The following RXFP2 variants were observed in gnomAD, a reference collection of about 807,000 sequenced individuals.
RXFP2 encodes relaxin family peptide receptor 2, also known as relaxin receptor 2.
RXFP2 carries 68 observed loss-of-function variants against 88.6 expected under a neutral mutation model. That is an observed-to-expected ratio of 0.77 (90% CI 0.63 to 0.94). The LOEUF is 0.94. Ranked by LOEUF, RXFP2 falls within the 40% of genes least tolerant of loss-of-function variation. The pLI is 0.00. For missense variants in RXFP2, 791 were observed against 893.9 expected (o/e 0.88, Z 1.47); for synonymous variants, 329 against 306.8 (o/e 1.07, Z -0.76).
intron 1 of RXFP2, among the ~76,000 whole-genome samples, chr13:31,745,212 C>A (rs962156594): frequency 2.6e-5 from 4 of 151,862 alleles, no homozygotes; most frequent in Non-Finnish European, 4.4e-5. Context: ...GGTATGAATT[C>A]CCCCTTTTTG....
intron 17 of RXFP2, among the ~76,000 whole-genome samples, chr13:31,798,361 G>A (rs1385877092): frequency 2.0e-5 from 3 of 152,170 alleles, no homozygotes; most frequent in African/African-American, 7.2e-5. Context: ...TGCTCCTCAG[G>A]CCGTGTAGGA....
chr13:31,796,004 TAAAC>T (rs1259685976), intron 16 of RXFP2, among the ~76,000 whole-genome samples: 3 of 145,704 alleles, frequency 2.1e-5, no homozygotes, highest in Non-Finnish European at 4.5e-5. Context: ...TGAAGAAAAA[TAAAC>T]AAAAATACAT....
chr13:31,760,050 T>C (rs1468208350), intron 2 of RXFP2, among the ~76,000 whole-genome samples: 2 of 151,922 alleles, frequency 1.3e-5, no homozygotes, highest in Non-Finnish European at 2.9e-5. Context: ...CAAAGTAGAA[T>C]GCCTTATCTT....
intron 5 of RXFP2, among the ~76,000 whole-genome samples, chr13:31,771,165 G>T (rs1872722904): frequency 6.6e-6 from 1 of 152,212 alleles, no homozygotes; most frequent in Non-Finnish European, 1.5e-5. Context: ...ATGTGTTTTA[G>T]ACTGTATTGA....
chr13:31,763,560 A>G (rs1235720355), intron 3 of RXFP2, among the ~76,000 whole-genome samples: 3 of 152,224 alleles, frequency 2.0e-5, no homozygotes, highest in Non-Finnish European at 4.4e-5. Flanking sequence ...AATGATGATA[A>G]AAGAGTTACT....
chr13:31,751,309 T>TTATATA (rs112982983), intron 1 of RXFP2, among the ~76,000 whole-genome samples: 2 of 151,358 alleles, frequency 1.3e-5, no homozygotes, highest in African/African-American at 4.9e-5. Context: ...TACATATATA[T>TTATATA]TATATATATA....
intron 1 of RXFP2, among the ~76,000 whole-genome samples, chr13:31,754,900 G>A (rs1871862297): frequency 6.7e-6 from 1 of 149,978 alleles, no homozygotes; most frequent in South Asian, 2.1e-4. Context: ...GAAATGCTGA[G>A]GCACAGCAAG....
chr13:31,792,140 A>G (rs1309275118), intron 15 of RXFP2, 105 bp downstream of exon 15: 2 of 851,062 alleles, frequency 2.4e-6, no homozygotes, highest in Non-Finnish European at 3.7e-6. Context: ...TTTAATGTGA[A>G]TTATACATCC....
chr13:31,791,676 A>C, intron 14 of RXFP2, 130 bp from the exon 15 acceptor site: 1 of 703,828 alleles, frequency 1.4e-6, no homozygotes, highest in South Asian at 1.6e-5. Flanking sequence ...TTATATAAAC[A>C]CTACTAAACA....
At chr13:31,763,640 G>A (rs555679973) in intron 3 of RXFP2, among the ~76,000 whole-genome samples, 3 of 152,268 alleles carry the variant, frequency 2.0e-5, no homozygotes, top group African/African-American at 7.2e-5. Context: ...GATGCAAAAG[G>A]AGTTTCAGAA....
intron 1 of RXFP2, 140 bp downstream of exon 1, chr13:31,739,846 A>G (rs1037178073): frequency 1.5e-6 from 1 of 684,178 alleles, no homozygotes; most frequent in Non-Finnish European, 2.6e-6. Flanking sequence ...ATTTGTCATT[A>G]TCTTTCATTG....
At chr13:31,743,919 G>A (rs1159724367) in intron 1 of RXFP2, among the ~76,000 whole-genome samples, 3 of 151,926 alleles carry the variant, frequency 2.0e-5, no homozygotes, top group African/African-American at 4.8e-5. Context: ...ATCCTGATTG[G>A]TCACATCTGG....
chr13:31,800,329 G>C (rs552287523), intron 17 of RXFP2, among the ~76,000 whole-genome samples: 2 of 152,268 alleles, frequency 1.3e-5, no homozygotes, highest in South Asian at 4.2e-4. Flanking sequence ...CCAGCACTTT[G>C]GGAGGCCGAG....
chr13:31,799,504 C>A (rs1874227199), intron 17 of RXFP2, among the ~76,000 whole-genome samples: 1 of 152,102 alleles, frequency 6.6e-6, no homozygotes, highest in Non-Finnish European at 1.5e-5. Context: ...CGTGAACCAC[C>A]AAGCCTGACC....
At chr13:31,779,564 C>A (rs149524682) in intron 9 of RXFP2, among the ~76,000 whole-genome samples, 1 of 152,300 alleles carries the variant, frequency 6.6e-6, no homozygotes, top group Non-Finnish European at 1.5e-5. Context: ...TTAAAACATT[C>A]ATTTAATTTA....
chr13:31,775,150 T>G (rs1293458316), intron 6 of RXFP2, among the ~76,000 whole-genome samples, 168 bp from the exon 7 acceptor site: 1 of 152,228 alleles, frequency 6.6e-6, no homozygotes, highest in Non-Finnish European at 1.5e-5. Flanking sequence ...TGTGGTTATC[T>G]GTACCTTCTG....
intron 1 of RXFP2, among the ~76,000 whole-genome samples, chr13:31,750,770 G>A (rs1240954664): frequency 1.3e-5 from 2 of 152,204 alleles, no homozygotes; most frequent in Non-Finnish European, 2.9e-5. Flanking sequence ...ATTCTGGTGA[G>A]AAGAATGTCA....
At chr13:31,757,502 T>C (rs1872012997) in intron 1 of RXFP2, among the ~76,000 whole-genome samples, 1 of 152,246 alleles carries the variant, frequency 6.6e-6, no homozygotes, top group Non-Finnish European at 1.5e-5. Context: ...CTCTTTCTAA[T>C]GTGTTCCAGG....
chr13:31,790,311 A>G (rs1457278657), intron 14 of RXFP2, among the ~76,000 whole-genome samples: 2 of 152,158 alleles, frequency 1.3e-5, no homozygotes, highest in Non-Finnish European at 2.9e-5. Context: ...CTATCTGAAG[A>G]TAGCAGACAT....
Sources: gnomAD v4.1 joint callset for allele counts (sites outside exome capture counted in the v4.1 genomes callset) on GRCh38, gnomAD v4.1.1 for gene constraint, MANE v1.5 for transcripts, NCBI Gene and HGNC (gene_info 2026-07-23, HGNC 2026-07-21) for gene names.